The following TOX variants were observed in gnomAD, a reference collection of about 807,000 sequenced individuals.
TOX encodes thymocyte selection-associated high mobility group box protein TOX.
In TOX, 11 loss-of-function variants were observed where a neutral mutation model predicts 53.7. That is an observed-to-expected ratio of 0.20 (90% CI 0.13 to 0.34). The LOEUF is 0.34. TOX is among the 10% of genes least tolerant of loss of function. The pLI, the probability that TOX is intolerant of heterozygous loss-of-function variation, is 1.00. For missense variants in TOX, 570 were observed against 664.6 expected, an observed-to-expected ratio of 0.86 and a Z score of 1.56; for synonymous variants, 225 against 245.3, an observed-to-expected ratio of 0.92 and a Z score of 0.77.
rs78474384 is a variant in TOX, at chr8:58,963,672, G to A, written c.103-3664C>T. Among the ~76,000 whole-genome samples the A allele has an allele frequency of 3.5e-4, 53 of 152,042 alleles. No individual in the cohort carries two copies. In the East Asian group the frequency reaches 3.7e-3, roughly 11 times the overall value. On this transcript the variant is annotated intron_variant, in intron 1 of 8. Transcript: ENST00000361421. ...ATGCCTTCCTTCCCTTTCACTTGTC[G>A]CAGTGTTTTGTAGACTCCTCACCTC...
intron 3 of TOX, among the ~76,000 whole-genome samples, chr8:58,927,214 T>C (rs1047310855): frequency 2.0e-5 from 3 of 152,172 alleles, no homozygotes; most frequent in Non-Finnish European, 4.4e-5. Context: ...GTAAAAATAA[T>C]ATGAGTTTAT....
At chr8:58,915,226 T>C (rs1236240751) in intron 3 of TOX, among the ~76,000 whole-genome samples, 4 of 150,154 alleles carry the variant, frequency 2.7e-5, no homozygotes, top group South Asian at 2.1e-4. Flanking sequence ...TGCCTGCCTC[T>C]GTAGGCTCCA....
chr8:59,053,368 C>T (rs879737960), intron 1 of TOX, among the ~76,000 whole-genome samples: 21 of 152,130 alleles, frequency 1.4e-4, no homozygotes, highest in Non-Finnish European at 2.6e-4. Flanking sequence ...TTGTGTCTGC[C>T]CGTGTTCTAC....
At chr8:58,885,809 C>T (rs1221750355) in intron 3 of TOX, among the ~76,000 whole-genome samples, 1 of 152,060 alleles carries the variant, frequency 6.6e-6, no homozygotes, top group Non-Finnish European at 1.5e-5. Flanking sequence ...GCAGTGAAGA[C>T]TTATAATATT....
intron 3 of TOX, among the ~76,000 whole-genome samples, chr8:58,860,420 G>A (rs1279942714): frequency 6.6e-6 from 1 of 152,188 alleles, no homozygotes; most frequent in African/African-American, 2.4e-5. Flanking sequence ...ACAGTGAGAT[G>A]TTGTAAGGAG....
chr8:58,808,089 C>G (rs748898460), intron 8 of TOX, 29 bp downstream of exon 8: 2 of 1,597,878 alleles, frequency 1.3e-6, no homozygotes, highest in East Asian at 4.5e-5. Context: ...GCGCTGTCCA[C>G]CACCAGGTGG....
chr8:59,048,600 A>T (rs1803730945), intron 1 of TOX, among the ~76,000 whole-genome samples: 1 of 152,190 alleles, frequency 6.6e-6, no homozygotes, highest in South Asian at 2.1e-4. Flanking sequence ...TTTTTATATT[A>T]TCGGGAATGA....
chr8:58,874,509 AC>A (rs967489585), intron 3 of TOX, among the ~76,000 whole-genome samples: 6 of 152,176 alleles, frequency 3.9e-5, no homozygotes, highest in African/African-American at 1.2e-4. Flanking sequence ...AGAGCCAAGG[AC>A]AAGAATCATG....
chr8:58,829,172 A>G (rs1810412066), intron 5 of TOX, among the ~76,000 whole-genome samples: 1 of 152,188 alleles, frequency 6.6e-6, no homozygotes, highest in African/African-American at 2.4e-5. Context: ...TGTGACTACG[A>G]TGCTATCCCT....
At chr8:58,829,652 T>C (rs1253370371) in intron 5 of TOX, among the ~76,000 whole-genome samples, 3 of 152,186 alleles carry the variant, frequency 2.0e-5, no homozygotes, top group Non-Finnish European at 4.4e-5. Flanking sequence ...GAGAACTACC[T>C]GATGGCTCCC....
intron 1 of TOX, among the ~76,000 whole-genome samples, chr8:59,096,567 T>A (rs1440765774): frequency 1.3e-5 from 2 of 152,176 alleles, no homozygotes; most frequent in Non-Finnish European, 1.5e-5. Context: ...GTTAAAAGAC[T>A]AAAACTCAAC....
At chr8:58,880,795 C>T (rs1469833206) in intron 3 of TOX, among the ~76,000 whole-genome samples, 1 of 152,160 alleles carries the variant, frequency 6.6e-6, no homozygotes, top group African/African-American at 2.4e-5. Context: ...CTTAACATCG[C>T]ATTACTTGAG....
chr8:59,070,565 G>A (rs888311905), intron 1 of TOX, among the ~76,000 whole-genome samples: 16 of 146,214 alleles, frequency 1.1e-4, no homozygotes, highest in African/African-American at 4.1e-4. Context: ...ACCTAAGACT[G>A]AAGATACAGA....
chr8:58,963,859 G>A (rs1254020969), intron 1 of TOX, among the ~76,000 whole-genome samples: 1 of 152,180 alleles, frequency 6.6e-6, no homozygotes, highest in Non-Finnish European at 1.5e-5. Context: ...CTTAGGGCTG[G>A]CACGTAATAG....
At position 58,807,601 on chromosome 8, in the gene TOX, T is replaced by G; in HGVS notation, c.*146A>C. ...AGAAGCATGACTATTTCTTCCAGAGTGGGTGACCCACAAGCTCAAATGGTC... is the reference window on the plus strand; with the variant it reads ...AGAAGCATGACTATTTCTTCCAGAGGGGGTGACCCACAAGCTCAAATGGTC... On this transcript the variant is annotated 3_prime_UTR_variant, in exon 9 of 9. Transcript: ENST00000361421. The G allele has an allele frequency of 1.4e-6, 1 of 725,778 alleles. No homozygotes were observed. The highest frequency in any genetic ancestry group is 2.3e-6 in the Non-Finnish European group (1 of 440,582). The allele number at this position is 725,778 out of a possible 1,614,324, so 45.0% of individuals were successfully genotyped here.
Position 58,851,521 on chromosome 8 carries a change from T to A in TOX, c.693+3A>T. The A allele has an allele frequency of 6.2e-7, 1 of 1,612,222 alleles. No individual in the cohort carries two copies. The highest frequency in any genetic ancestry group is 8.5e-7 in the Non-Finnish European group (1 of 1,179,438). ...ATAGGTCCTAAAAATAACTTATTCA[T>A]ACCTTAGAGGTATCATCGCCTTCAT... is the stretch of plus-strand genomic sequence containing the variant. On this transcript the variant is annotated splice_donor_region_variant and intron_variant, in intron 4 of 8. Transcript: ENST00000361421. The surrounding 1 kb of genome is among the most constrained non-coding windows in gnomAD (Gnocchi z 4.4).
chr8:58,867,538 C>G (rs1811124483), intron 3 of TOX, among the ~76,000 whole-genome samples: 1 of 152,200 alleles, frequency 6.6e-6, no homozygotes, highest in South Asian at 2.1e-4. Context: ...CCTTCCTAAC[C>G]CAAGCATCTT....
At chr8:58,869,117 C>T (rs1370314316) in intron 3 of TOX, among the ~76,000 whole-genome samples, 1 of 150,814 alleles carries the variant, frequency 6.6e-6, no homozygotes, top group Admixed American at 6.6e-5. Context: ...GTCCCAGCTA[C>T]TCAGGAAACT....
At chr8:58,868,938 G>A (rs1811149725) in intron 3 of TOX, among the ~76,000 whole-genome samples, 1 of 150,534 alleles carries the variant, frequency 6.6e-6, no homozygotes, top group Non-Finnish European at 1.5e-5. Context: ...CCTCTAGACA[G>A]GCTAGTCAAC....
Sources: gnomAD v4.1 joint callset for allele counts (sites outside exome capture counted in the v4.1 genomes callset) on GRCh38, gnomAD v4.1.1 for gene constraint, Gnocchi (gnomAD v3.1) non-coding constraint, MANE v1.5 for transcripts, NCBI Gene and HGNC (gene_info 2026-07-23, HGNC 2026-07-21) for gene names.